The following SH3KBP1 variants were observed in gnomAD, a reference collection of about 807,000 sequenced individuals.
SH3KBP1 encodes the protein SH3 domain containing kinase binding protein 1.
SH3KBP1 carries 8 observed loss-of-function variants against 50.1 expected under a neutral mutation model. That is an observed-to-expected ratio of 0.16 (90% CI 0.09 to 0.29). The LOEUF is 0.29. Among genes scored for constraint, SH3KBP1 ranks in the 10% least tolerant of loss-of-function variants. The pLI, the probability that SH3KBP1 is intolerant of heterozygous loss-of-function variation, is 1.00. For synonymous variants in SH3KBP1, 227 were observed against 218.6 expected, an observed-to-expected ratio of 1.04 and a Z score of -0.34; for missense variants, 377 against 535.2, an observed-to-expected ratio of 0.70 and a Z score of 2.92.
chrX:19,878,505 T>TGTGTGTGTGTGTGTGTGTGTGTGAGAGA (rs1491094714), intron 1 of SH3KBP1, among the ~76,000 whole-genome samples: 1 of 48,255 alleles, frequency 2.1e-5, no homozygotes, highest in African/African-American at 6.0e-5. Flanking sequence ...TGTGTGTGTG[T>TGTGTGTGTGTGTGTGTGTGTGTGAGAGA]GAGAGAGAGA....
At chrX:19,744,987 G>A (rs903061544) in intron 3 of SH3KBP1, among the ~76,000 whole-genome samples, 6 of 112,318 alleles carry the variant, frequency 5.3e-5, no homozygotes, top group African/African-American at 1.9e-4. Context: ...TGCAATTGCC[G>A]TGCCCGCGGA....
At chrX:19,872,333 C>G (rs976506127) in intron 1 of SH3KBP1, among the ~76,000 whole-genome samples, 1 of 105,936 alleles carries the variant, frequency 9.4e-6, no homozygotes, top group Non-Finnish European at 2.0e-5. Context: ...AACAAAGGAA[C>G]CAAACCCCCA....
At chrX:19,784,341 C>T (rs1162958028) in intron 2 of SH3KBP1, among the ~76,000 whole-genome samples, 6 of 111,764 alleles carry the variant, frequency 5.4e-5, no homozygotes, top group African/African-American at 9.8e-5. Context: ...ATGTGGTACA[C>T]GATTAAGCTA....
intron 1 of SH3KBP1, among the ~76,000 whole-genome samples, chrX:19,841,791 A>G (rs1298175009): frequency 1.8e-5 from 2 of 108,143 alleles, no homozygotes; most frequent in Non-Finnish European, 3.8e-5. Flanking sequence ...TAATGGCAGC[A>G]TCAAGCCCAG....
At chrX:19,750,099 G>C (rs1485086275) in intron 2 of SH3KBP1, among the ~76,000 whole-genome samples, 10 of 110,609 alleles carry the variant, frequency 9.0e-5, no homozygotes, top group African/African-American at 3.3e-4. Flanking sequence ...TCACTCTGTT[G>C]CCCAGGCTGG....
intron 2 of SH3KBP1, among the ~76,000 whole-genome samples, chrX:19,768,437 C>CCTAATAACCACTCAGGGGGAGG (rs1285036771): frequency 2.0e-5 from 2 of 99,846 alleles, no homozygotes; most frequent in African/African-American, 7.4e-5. Flanking sequence ...CATCCACAAC[C>CCTAATAACCACTCAGGGGGAGG]CTAATAACCA....
At chrX:19,570,127 A>G (rs1394383742) in intron 12 of SH3KBP1, among the ~76,000 whole-genome samples, 1 of 112,133 alleles carries the variant, frequency 8.9e-6, no homozygotes, top group African/African-American at 3.2e-5. Context: ...GTCATGTGCC[A>G]CTTGTGCTGT....
chrX:19,538,116 G>A (rs976031261), intron 16 of SH3KBP1, among the ~76,000 whole-genome samples: 5 of 111,450 alleles, frequency 4.5e-5, no homozygotes, highest in African/African-American at 1.3e-4. Context: ...TAGACTTCAC[G>A]TAACCTGTCA....
chrX:19,760,041 C>CTCTCCCT (rs1472663912), intron 2 of SH3KBP1, among the ~76,000 whole-genome samples: 2 of 50,455 alleles, frequency 4.0e-5, no homozygotes, highest in East Asian at 1.1e-3. Context: ...TCTCTCTCTC[C>CTCTCCCT]CTCTCTCTCT....
chrX:19,760,085 G>GAC (rs752186611), intron 2 of SH3KBP1, among the ~76,000 whole-genome samples: 805 of 39,916 alleles, frequency 0.02, 13 homozygotes, highest in Middle Eastern at 0.071. Flanking sequence ...TCTCTCTCTC[G>GAC]ACACACACAC....
intron 15 of SH3KBP1, among the ~76,000 whole-genome samples, chrX:19,545,163 T>G (rs2065049051): frequency 8.9e-6 from 1 of 112,360 alleles, no homozygotes; most frequent in African/African-American, 3.2e-5. Context: ...TATTCCTGCT[T>G]CAAGTGACTA....
At chrX:19,766,483 C>CTTT (rs61439964) in intron 2 of SH3KBP1, among the ~76,000 whole-genome samples, 3 of 22,589 alleles carry the variant, frequency 1.3e-4, no homozygotes, top group African/African-American at 3.4e-4. Flanking sequence ...TTGATTGCAT[C>CTTT]TTTTTTTTTT....
intron 13 of SH3KBP1, among the ~76,000 whole-genome samples, chrX:19,556,254 A>G (rs923283139): frequency 6.1e-4 from 68 of 110,578 alleles, no homozygotes; most frequent in African/African-American, 2.2e-3. Context: ...GGAAACAAGA[A>G]TCTAAGAGCA....
intron 2 of SH3KBP1, among the ~76,000 whole-genome samples, chrX:19,751,773 A>T (rs974692037): frequency 1.2e-4 from 13 of 112,209 alleles, no homozygotes; most frequent in African/African-American, 3.9e-4. Flanking sequence ...GCTCACCCAC[A>T]TTCAGAGACC....
At chrX:19,691,101 T>A (rs1181435615) in intron 5 of SH3KBP1, among the ~76,000 whole-genome samples, 1 of 111,229 alleles carries the variant, frequency 9.0e-6, no homozygotes, top group Non-Finnish European at 1.9e-5. Context: ...GGACTATTGA[T>A]CTGTTACATG....
chrX:19,543,822 G>C (rs1230637424), intron 15 of SH3KBP1, among the ~76,000 whole-genome samples: 2 of 111,461 alleles, frequency 1.8e-5, no homozygotes, highest in East Asian at 5.6e-4. Flanking sequence ...CGAGGAAGAA[G>C]GACAGTCATG....
intron 12 of SH3KBP1, among the ~76,000 whole-genome samples, chrX:19,573,166 G>C (rs2066098296): frequency 8.9e-6 from 1 of 112,001 alleles, no homozygotes; most frequent in South Asian, 3.7e-4. Context: ...CGGAAAACTG[G>C]TGAAAAACAA....
At chrX:19,616,320 C>A (rs2067612954) in intron 8 of SH3KBP1, among the ~76,000 whole-genome samples, 1 of 111,771 alleles carries the variant, frequency 8.9e-6, no homozygotes, top group Admixed American at 9.5e-5. Context: ...GAACTACTTA[C>A]AAAAAATCCT....
chrX:19,776,385 A>G (rs978866323), intron 2 of SH3KBP1, among the ~76,000 whole-genome samples: 23 of 109,748 alleles, frequency 2.1e-4, no homozygotes, highest in African/African-American at 7.6e-4. Flanking sequence ...ACCCTCAAAA[A>G]GAGTGGGAGT....
Sources: allele counts gnomAD v4.1 joint callset (sites outside exome capture counted in the v4.1 genomes callset), GRCh38; gene constraint gnomAD v4.1.1; transcripts MANE v1.5; gene names NCBI Gene and HGNC (gene_info 2026-07-23, HGNC 2026-07-21).